The following ATF3 variants were observed in gnomAD, a reference collection of about 807,000 sequenced individuals.
ATF3 encodes the protein activating transcription factor 3, also known as cyclic AMP-dependent transcription factor ATF-3.
In ATF3, 10 loss-of-function variants were observed where a neutral mutation model predicts 18.4. The observed-to-expected ratio is 0.54, with a 90% CI of 0.34 to 0.92. The LOEUF is 0.92. Among genes scored for constraint, ATF3 ranks in the 40% least tolerant of loss-of-function variants. The pLI is 0.02. For synonymous variants in ATF3, 78 were observed against 87.9 expected (o/e 0.89, Z 0.63); for missense variants, 183 against 222.3 (o/e 0.82, Z 1.12).
At chr1:212,592,025 A>C (rs137981697) in intron 1 of ATF3, among the ~76,000 whole-genome samples, 2 of 152,318 alleles carry the variant, frequency 1.3e-5, no homozygotes, top group East Asian at 3.9e-4. Context: ...GTTCTATTTT[A>C]ACCATTTGCA....
intron 1 of ATF3, among the ~76,000 whole-genome samples, chr1:212,572,094 T>C (rs1192116839): frequency 6.6e-6 from 1 of 152,256 alleles, no homozygotes; most frequent in African/African-American, 2.4e-5. Flanking sequence ...AGAATATCTA[T>C]TCTATGTCTT....
chr1:212,579,248 G>T (rs1402167945), intron 1 of ATF3, among the ~76,000 whole-genome samples: 1 of 152,010 alleles, frequency 6.6e-6, no homozygotes, highest in Non-Finnish European at 1.5e-5. Context: ...CTGACCTCAG[G>T]CAATCCACCT....
chr1:212,610,066 A>G (rs1654830953), intron 1 of ATF3, among the ~76,000 whole-genome samples: 1 of 151,986 alleles, frequency 6.6e-6, no homozygotes, highest in Admixed American at 6.6e-5. Context: ...ACAGTGGGGG[A>G]AAGGGGACTT....
intron 1 of ATF3, among the ~76,000 whole-genome samples, chr1:212,574,124 C>A (rs1664531015): frequency 1.3e-5 from 2 of 151,674 alleles, no homozygotes; most frequent in African/African-American, 4.8e-5. Context: ...TTTTTATAAA[C>A]CCTTGGGTTG....
chr1:212,609,375 T>TG (rs1192833712), intron 1 of ATF3, among the ~76,000 whole-genome samples: 1,263 of 67,090 alleles, frequency 0.019, 43 homozygotes, highest in South Asian at 0.056. Flanking sequence ...CCTTCCCGGG[T>TG]GGGGGGGGGG....
intron 1 of ATF3, among the ~76,000 whole-genome samples, chr1:212,578,022 G>A (rs1664614315): frequency 6.6e-6 from 1 of 152,146 alleles, no homozygotes; most frequent in Non-Finnish European, 1.5e-5. Context: ...CATAATGGCT[G>A]TTCCAATTTA....
chr1:212,615,477 G>A (rs765979343), intron 2 of ATF3, among the ~76,000 whole-genome samples: 3 of 151,962 alleles, frequency 2.0e-5, no homozygotes, highest in Admixed American at 6.6e-5. Flanking sequence ...AGCAGGGAGC[G>A]GGGCAGAGAG....
At chr1:212,591,344 C>CTTGCAAGGGAGAAAATCTAAAGT (rs1169270226) in intron 1 of ATF3, among the ~76,000 whole-genome samples, 1 of 152,204 alleles carries the variant, frequency 6.6e-6, no homozygotes, top group Non-Finnish European at 1.5e-5. Flanking sequence ...CCAGGCTCCT[C>CTTGCAAGGGAGAAAATCTAAAGT]TTGCAAGGGA....
intron 1 of ATF3, among the ~76,000 whole-genome samples, chr1:212,578,252 T>A (rs1021986089): frequency 6.6e-6 from 1 of 152,238 alleles, no homozygotes; most frequent in African/African-American, 2.4e-5. Context: ...TGTCATTTCC[T>A]CCTTTCTCTT....
In ATF3 at chr1:212,579,946, C is replaced by T. The variant is rs148827561; in HGVS notation, c.-5+14463C>T. On this transcript the variant is annotated intron_variant, in intron 1 of 3. Coordinates refer to the ATF3 transcript ENST00000366981. The stretch of plus-strand genomic sequence containing the variant: ...GATCATGAGGTCAGGAGATCGAGAC[C>T]ATCCTGGCTAACATGGTGAAACCCC... 6.0e-3 allele frequency among the ~76,000 whole-genome samples: 907 copies of T among 151,516 alleles called. 9 individuals carry two copies. The highest frequency in any genetic ancestry group is 0.021 in the African/African-American group (875 of 41,278).
Position 212,619,403 on chromosome 1 carries a change from A to G in ATF3, c.394A>G (p.Ile132Val). 6.2e-7 allele frequency: 1 copy of G among 1,614,056 alleles called. No homozygotes were observed. Among genetic ancestry groups the G allele is most frequent in the Non-Finnish European group, 8.5e-7 (1 of 1,180,028 alleles). The change falls in exon 4 of 4, where the codon ATT becomes GTT. Residue 132 changes from isoleucine (I) to valine (V), a missense_variant. Transcript: ENST00000341491. The surrounding 1 kb of genome is among the most constrained non-coding windows in gnomAD (Gnocchi z 4.4). ...ESVNAELKAQ[I>V]EELKNEKQHL... ...TGTGAATGCTGAACTGAAGGCTCAGATTGAGGAGCTCAAGAACGAGAAGCA... is the reference window on the plus strand; with the variant it reads ...TGTGAATGCTGAACTGAAGGCTCAGGTTGAGGAGCTCAAGAACGAGAAGCA...
At chr1:212,617,608 T>C (rs1192320990) in intron 2 of ATF3, among the ~76,000 whole-genome samples, 1 of 152,160 alleles carries the variant, frequency 6.6e-6, no homozygotes. Flanking sequence ...ATCATGGGCT[T>C]CTCCCAAATT....
At chr1:212,578,180 G>A (rs546164942) in intron 1 of ATF3, among the ~76,000 whole-genome samples, 2 of 152,154 alleles carry the variant, frequency 1.3e-5, no homozygotes, top group African/African-American at 2.4e-5. Context: ...CTGCAATTCA[G>A]CTGCAATTTA....
intron 1 of ATF3, among the ~76,000 whole-genome samples, chr1:212,612,946 G>A (rs1023521944): frequency 3.9e-5 from 6 of 152,180 alleles, no homozygotes; most frequent in African/African-American, 1.4e-4. Flanking sequence ...GTTTTCCAGG[G>A]CATATTCATG....
rs576782541 is a variant in ATF3, at chr1:212,595,987, G to A, written c.-4-19031G>A. 2.6e-5 allele frequency among the ~76,000 whole-genome samples: 4 copies of A among 152,312 alleles called. No individual in the cohort carries two copies. In the South Asian group the frequency reaches 6.2e-4, roughly 24 times the overall value. On this transcript the variant is annotated intron_variant, in intron 1 of 3. Transcript: ENST00000366981. The stretch of plus-strand genomic sequence containing the variant: ...AATTCCATCATAGGCAAGAATGTTA[G>A]ACGTGAGAGGCTTGATGAGAAAATG...
At chr1:212,610,187 C>A (rs534772274) in intron 1 of ATF3, among the ~76,000 whole-genome samples, 11 of 152,320 alleles carry the variant, frequency 7.2e-5, no homozygotes, top group Middle Eastern at 6.8e-3. Context: ...TCCTCCTAAA[C>A]ATTTTCTTTT....
At chr1:212,566,570 G>C (rs1325328159) in intron 1 of ATF3, among the ~76,000 whole-genome samples, 2 of 152,134 alleles carry the variant, frequency 1.3e-5, no homozygotes, top group African/African-American at 4.8e-5. Flanking sequence ...GTTGAACTGT[G>C]ACCAGGGCAT....
chr1:212,607,346 C>T (rs1654664890), upstream of ATF3, among the ~76,000 whole-genome samples: 1 of 152,224 alleles, frequency 6.6e-6, no homozygotes. Flanking sequence ...GCGCAGGTCT[C>T]CCTCCCAGGC....
At chr1:212,576,432 T>C (rs1045720845) in intron 1 of ATF3, among the ~76,000 whole-genome samples, 1 of 151,820 alleles carries the variant, frequency 6.6e-6, no homozygotes, top group African/African-American at 2.4e-5. Flanking sequence ...TTTCTTTCAT[T>C]CTTCTCTTAT....
Sources: allele counts gnomAD v4.1 joint callset (sites outside exome capture counted in the v4.1 genomes callset), GRCh38; gene constraint gnomAD v4.1.1; non-coding constraint Gnocchi (gnomAD v3.1); transcripts MANE v1.5; gene names NCBI Gene and HGNC (gene_info 2026-07-23, HGNC 2026-07-21).